The following SLC17A1 variants were observed in gnomAD, a reference collection of about 807,000 sequenced individuals.
SLC17A1 encodes the protein sodium-dependent phosphate transport protein 1.
In SLC17A1, 51 loss-of-function variants were observed where a neutral mutation model predicts 53.5. The ratio of observed to expected loss-of-function variants is 0.95; its 90% confidence interval spans 0.76 to 1.20. The LOEUF (loss-of-function observed/expected upper bound fraction) is 1.20. Among genes scored for constraint, SLC17A1 ranks in the 50% most tolerant of loss-of-function variants. SLC17A1 has a pLI of 0.00. For synonymous variants in SLC17A1, 179 were observed against 198.8 expected (o/e 0.90, Z 0.84); for missense variants, 538 against 568.2 (o/e 0.95, Z 0.54).
At chr6:25,779,509 G>A, downstream of SLC17A1, 1 of 231,330 alleles carries the variant, frequency 4.3e-6, no homozygotes, top group Non-Finnish European at 8.3e-6. Context: ...CGAGAACTGA[G>A]AATCACAAGG....
chr6:25,818,363 C>A (rs1764432617), intron 6 of SLC17A1, among the ~76,000 whole-genome samples: 1 of 152,134 alleles, frequency 6.6e-6, no homozygotes, highest in Non-Finnish European at 1.5e-5. Context: ...GCTAGATATT[C>A]CGAGCTCCTG....
At chr6:25,770,476 C>T in the SLC17A1 span, 1 of 1,613,812 alleles carries the variant, frequency 6.2e-7, no homozygotes, top group South Asian at 1.1e-5. Flanking sequence ...GATCAGGTAA[C>T]TGGTACCCTA....
At chr6:25,725,228 A>C in the SLC17A1 span, among the ~76,000 whole-genome samples, 2 of 152,212 alleles carry the variant, frequency 1.3e-5, no homozygotes, top group African/African-American at 4.8e-5. Context: ...TCTAAACTTC[A>C]AATTATGTTC....
At chr6:25,799,933 C>T (rs554328749) in intron 11 of SLC17A1, among the ~76,000 whole-genome samples, 25 of 152,268 alleles carry the variant, frequency 1.6e-4, no homozygotes, top group Admixed American at 1.5e-3. Context: ...TTCTTCTTTT[C>T]TGAAACCATA....
chr6:25,786,912 G>T (rs1763395028), intron 12 of SLC17A1, among the ~76,000 whole-genome samples: 1 of 152,146 alleles, frequency 6.6e-6, no homozygotes, highest in South Asian at 2.1e-4. Context: ...AAGGAGTCTT[G>T]TATGTGTATG....
intron 6 of SLC17A1, 142 bp from the exon 7 acceptor site, chr6:25,813,355 T>C: frequency 1.4e-6 from 1 of 690,062 alleles, no homozygotes; most frequent in Non-Finnish European, 2.5e-6. Context: ...CTTGTGTTTT[T>C]CAGTCCTCCT....
chr6:25,741,881 T>TA, the SLC17A1 span, among the ~76,000 whole-genome samples: 40 of 148,938 alleles, frequency 2.7e-4, no homozygotes, highest in South Asian at 1.7e-3. Context: ...AGACTCTGTC[T>TA]AAAAAAAAAA....
At chr6:25,734,453 A>G in the SLC17A1 span, among the ~76,000 whole-genome samples, 2 of 152,230 alleles carry the variant, frequency 1.3e-5, no homozygotes, top group Non-Finnish European at 1.5e-5. Flanking sequence ...CTTCTTAGAC[A>G]TTTAAGAAAA....
the SLC17A1 span, chr6:25,731,665 T>C: frequency 9.2e-6 from 6 of 654,128 alleles, no homozygotes; most frequent in South Asian, 2.6e-5. Context: ...AAATTATCAG[T>C]CTGGCAACGA....
chr6:25,799,041 T>G (rs957415956), intron 11 of SLC17A1, 122 bp from the exon 12 acceptor site: 5 of 859,728 alleles, frequency 5.8e-6, no homozygotes, highest in Non-Finnish European at 8.4e-6. Flanking sequence ...AAAAACATAC[T>G]TATACATAGC....
At chr6:25,785,227 A>G (rs1763356030) in intron 12 of SLC17A1, among the ~76,000 whole-genome samples, 2 of 152,146 alleles carry the variant, frequency 1.3e-5, no homozygotes, top group African/African-American at 4.8e-5. Flanking sequence ...GAAAACTTCA[A>G]AATATTGTAG....
In SLC17A1 at chr6:25,802,935, C is replaced by CTTTTT. The variant is rs34669145; in HGVS notation, c.1179-1960_1179-1956dup. The stretch of plus-strand genomic sequence containing the variant: ...ATGACGTTTTAACGACTATCTTCTT[C>CTTTTT]TTTTTTTTTTTTTTTTTTTTTTTTT... On this transcript the variant is annotated intron_variant, in intron 10 of 12. Coordinates refer to ENST00000244527, the MANE Select transcript of SLC17A1 (RefSeq NM_005074.5). Among the ~76,000 whole-genome samples, 128 of 46,104 alleles carry CTTTTT rather than the reference C, an allele frequency of 2.8e-3. 21 individuals are homozygous for CTTTTT. Among genetic ancestry groups the CTTTTT allele is most frequent in the Non-Finnish European group, 4.1e-3 (107 of 26,006 alleles). 30.2% of individuals were successfully genotyped at this position (46,104 alleles called of 152,430 possible).
At chr6:25,775,314 A>G in the SLC17A1 span, among the ~76,000 whole-genome samples, 1 of 139,470 alleles carries the variant, frequency 7.2e-6, no homozygotes, top group Admixed American at 7.6e-5. Context: ...CCTGGGCAAC[A>G]AGAGCTAAAC....
chr6:25,743,555 C>A, the SLC17A1 span, among the ~76,000 whole-genome samples: 1 of 152,118 alleles, frequency 6.6e-6, no homozygotes, highest in Non-Finnish European at 1.5e-5. Flanking sequence ...CAACCTGAAG[C>A]TAATCTCAAT....
intron 12 of SLC17A1, among the ~76,000 whole-genome samples, chr6:25,794,860 G>A (rs1581452692): frequency 6.6e-6 from 1 of 152,146 alleles, no homozygotes; most frequent in Non-Finnish European, 1.5e-5. Flanking sequence ...CAGGAGAAAC[G>A]CAAGGCCATG....
chr6:25,763,631 G>C, the SLC17A1 span, among the ~76,000 whole-genome samples: 1 of 152,008 alleles, frequency 6.6e-6, no homozygotes, highest in East Asian at 1.9e-4. Flanking sequence ...TGAATCCAGG[G>C]GTTCCATGGG....
the SLC17A1 span, among the ~76,000 whole-genome samples, chr6:25,748,063 A>G: frequency 6.6e-6 from 1 of 152,370 alleles, no homozygotes; most frequent in South Asian, 2.1e-4. Context: ...TAGTAAAACA[A>G]GAATAACATT....
chr6:25,822,363 G>A (rs1468526638), intron 3 of SLC17A1, among the ~76,000 whole-genome samples: 2 of 152,212 alleles, frequency 1.3e-5, no homozygotes, highest in Non-Finnish European at 1.5e-5. Context: ...TGTAGATACT[G>A]CACTATGGTG....
chr6:25,823,022 A>C (rs1412999294), intron 3 of SLC17A1, among the ~76,000 whole-genome samples: 1 of 151,850 alleles, frequency 6.6e-6, no homozygotes, highest in Admixed American at 6.6e-5. Context: ...TTCATTTTCT[A>C]GAAGTTTTAT....
Sources: allele counts gnomAD v4.1 joint callset (sites outside exome capture counted in the v4.1 genomes callset), GRCh38; gene constraint gnomAD v4.1.1; transcripts MANE v1.5; gene names NCBI Gene and HGNC (gene_info 2026-07-23, HGNC 2026-07-21).